The following ANTXR2 variants were observed in gnomAD, a reference collection of about 807,000 sequenced individuals.
ANTXR2 encodes the protein ANTXR cell adhesion molecule 2.
In ANTXR2, 44 loss-of-function variants were observed where a neutral mutation model predicts 73.7. The observed-to-expected ratio is 0.60, with a 90% confidence interval of 0.47 to 0.77. The LOEUF (loss-of-function observed/expected upper bound fraction) is 0.77, where lower values mean the gene tolerates loss of function less well. ANTXR2 is among the 30% of genes least tolerant of loss of function. The pLI is 0.00. For missense variants in ANTXR2, 604 were observed against 592.5 expected (o/e 1.02, Z -0.20); for synonymous variants, 217 against 205.9 (o/e 1.05, Z -0.46).
rs200421028 is a variant in ANTXR2 at position 80,001,170 on chromosome 4, T to C, written c.1041+7351A>G. ...TCAATAGCCTTGGTACCATTGCAAA[T>C]TTTTTTTTATTATACTTTAAGTTTT... On this transcript the variant is annotated intron_variant, in intron 12 of 16. Transcript: ENST00000403729. Among the ~76,000 whole-genome samples the C allele has an allele frequency of 1.1e-3, 50 of 46,124 alleles. 1 individual carries two copies. The Middle Eastern group carries it at 0.062, about 58-fold the overall frequency. The allele number at this position is 46,124 out of a possible 152,430, so 30.3% of individuals were successfully genotyped here. A position where few individuals can be genotyped will look rare whatever the true frequency, so the allele number is the denominator to read the frequency against.
intron 16 of ANTXR2, among the ~76,000 whole-genome samples, chr4:79,914,058 T>C (rs764457871): frequency 4.0e-5 from 6 of 151,820 alleles, no homozygotes; most frequent in East Asian, 1.9e-4. Context: ...CATTCTCTCT[T>C]TTTTTTTGGT....
At position 80,032,352 on chromosome 4, in the gene ANTXR2, A is replaced by G. The variant is rs1198766386; in HGVS notation, c.797-660T>C. ...ATTTTATAATGAACTCAAATATGTA[A>G]TCAAAAGGAGCTAGGTGAAGCTAAT... On this transcript the variant is annotated intron_variant, in intron 9 of 16. Coordinates refer to ENST00000403729, the MANE Select transcript of ANTXR2 (RefSeq NM_058172.6). 5.3e-5 allele frequency among the ~76,000 whole-genome samples: 8 copies of G among 151,862 alleles called. No homozygotes were observed. The East Asian group carries it at 1.5e-3, about 29-fold the overall frequency.
At position 79,906,972 on chromosome 4, in the gene ANTXR2, T is replaced by A. The variant is rs879716190; in HGVS notation, c.*457A>T. 1.1e-5 allele frequency: 2 copies of A among 185,076 alleles called. No individual in the cohort carries two copies. Among genetic ancestry groups the A allele is most frequent in the African/African-American group, 4.8e-5 (2 of 41,670 alleles). 11.5% of individuals were successfully genotyped at this position (185,076 alleles called of 1,614,324 possible). On this transcript the variant is annotated 3_prime_UTR_variant, in exon 17 of 17. Coordinates refer to ENST00000403729, the MANE Select transcript of ANTXR2 (RefSeq NM_058172.6). ...TTGCTTAGCCTGGTGGGAAATTTCATACTCTGCCTATGGATAAAGATCTTG... is the reference window on the plus strand; with the variant it reads ...TTGCTTAGCCTGGTGGGAAATTTCAAACTCTGCCTATGGATAAAGATCTTG...
At chr4:79,991,468 G>A (rs1730466252) in intron 12 of ANTXR2, among the ~76,000 whole-genome samples, 3 of 152,088 alleles carry the variant, frequency 2.0e-5, no homozygotes, top group African/African-American at 7.2e-5. Flanking sequence ...AGTTAGCAAG[G>A]CTGTAGAGAA....
chr4:79,946,069 T>C (rs1486490681), intron 16 of ANTXR2, among the ~76,000 whole-genome samples: 1 of 152,212 alleles, frequency 6.6e-6, no homozygotes, highest in East Asian at 1.9e-4. Context: ...CACTGAACTT[T>C]ATGCTTTATT....
intron 16 of ANTXR2, among the ~76,000 whole-genome samples, chr4:79,948,826 GTC>G (rs1253646726): frequency 1.3e-5 from 2 of 152,206 alleles, no homozygotes; most frequent in East Asian, 3.9e-4. Context: ...ACAGAGAAAA[GTC>G]TCTGTAGGTA....
chr4:80,028,537 C>T (rs1247898131), intron 10 of ANTXR2, among the ~76,000 whole-genome samples: 1 of 152,118 alleles, frequency 6.6e-6, no homozygotes. Context: ...GTGCATCTGG[C>T]TTTGAGGCTC....
At chr4:80,003,251 G>A (rs1264103586) in intron 12 of ANTXR2, among the ~76,000 whole-genome samples, 2 of 151,876 alleles carry the variant, frequency 1.3e-5, no homozygotes, top group African/African-American at 2.4e-5. Flanking sequence ...ATGAGTTCAT[G>A]TCCTTTGTAG....
At chr4:79,934,542 CAAA>C (rs755634385) in intron 16 of ANTXR2, among the ~76,000 whole-genome samples, 4 of 138,250 alleles carry the variant, frequency 2.9e-5, no homozygotes, top group South Asian at 2.2e-4. Flanking sequence ...ACAACAACAA[CAAA>C]AAAAAAAAAA....
chr4:80,022,024 T>C (rs1732191150), intron 10 of ANTXR2, among the ~76,000 whole-genome samples: 1 of 152,214 alleles, frequency 6.6e-6, no homozygotes, highest in Non-Finnish European at 1.5e-5. Flanking sequence ...ATCTCCATTT[T>C]GCCCATGAAG....
chr4:79,924,077 G>A (rs1727691361), intron 16 of ANTXR2, among the ~76,000 whole-genome samples: 1 of 152,102 alleles, frequency 6.6e-6, no homozygotes, highest in South Asian at 2.1e-4. Context: ...TGGGCTTCCA[G>A]TGAACCCATC....
intron 16 of ANTXR2, among the ~76,000 whole-genome samples, chr4:79,966,035 G>A (rs1345605956): frequency 6.6e-6 from 1 of 151,924 alleles, no homozygotes; most frequent in Non-Finnish European, 1.5e-5. Flanking sequence ...CTTGCTTAGA[G>A]CCCAATTGTA....
At chr4:79,919,914 TATATATA>T (rs1727525038) in intron 16 of ANTXR2, among the ~76,000 whole-genome samples, 2 of 17,256 alleles carry the variant, frequency 1.2e-4, no homozygotes, top group Non-Finnish European at 2.5e-4. Flanking sequence ...TATATATATA[TATATATA>T]AAAAATGATA....
rs553684720 is a variant in ANTXR2 at position 79,984,898 on chromosome 4, G to T, written c.1042-35C>A. 6.8e-5 allele frequency: 101 copies of T among 1,493,152 alleles called. 1 individual carries two copies. In the South Asian group the frequency reaches 1.2e-3, roughly 17 times the overall value. 92.5% of individuals were successfully genotyped at this position (1,493,152 alleles called of 1,614,324 possible). On this transcript the variant is annotated intron_variant, in intron 12 of 16. Transcript: ENST00000403729. ...AAAATCAAATATAAAAATTTCTATGGCATAGAGAGGAGATAGTAAGGATGT... is the reference window on the plus strand; with the variant it reads ...AAAATCAAATATAAAAATTTCTATGTCATAGAGAGGAGATAGTAAGGATGT...
chr4:80,054,221 A>T, intron 7 of ANTXR2, 51 bp downstream of exon 7: 3 of 1,390,512 alleles, frequency 2.2e-6, no homozygotes, highest in Admixed American at 4.3e-5. Context: ...CTTATAGATT[A>T]AAAAAATATA....
chr4:80,063,527 T>C (rs941941540), intron 3 of ANTXR2, among the ~76,000 whole-genome samples: 1 of 152,134 alleles, frequency 6.6e-6, no homozygotes, highest in Non-Finnish European at 1.5e-5. Flanking sequence ...CCACCTTCAA[T>C]ATCATGCCTA....
At chr4:80,004,417 A>C (rs1731205955) in intron 12 of ANTXR2, among the ~76,000 whole-genome samples, 1 of 151,780 alleles carries the variant, frequency 6.6e-6, no homozygotes, top group Non-Finnish European at 1.5e-5. Flanking sequence ...TTTTTTTTAT[A>C]CTTCTGGAAG....
chr4:79,964,444 T>C (rs1272509169), intron 16 of ANTXR2, among the ~76,000 whole-genome samples: 1 of 152,004 alleles, frequency 6.6e-6, no homozygotes, highest in Non-Finnish European at 1.5e-5. Context: ...TTCAAAAGAG[T>C]CCACGGCTTA....
chr4:79,928,188 G>A (rs553735170), intron 16 of ANTXR2, among the ~76,000 whole-genome samples: 5 of 152,250 alleles, frequency 3.3e-5, no homozygotes, highest in African/African-American at 7.2e-5. Flanking sequence ...AAAAAGAAAC[G>A]AAATTTAGAT....
Sources: gnomAD v4.1 joint callset for allele counts (sites outside exome capture counted in the v4.1 genomes callset) on GRCh38, gnomAD v4.1.1 for gene constraint, MANE v1.5 for transcripts, NCBI Gene and HGNC (gene_info 2026-07-23, HGNC 2026-07-21) for gene names.